The following HAO1 variants were observed in gnomAD, a reference collection of about 807,000 sequenced individuals.
HAO1 encodes 2-Hydroxyacid oxidase 1.
A neutral mutation model predicts 39.7 loss-of-function variants in HAO1; 34 were observed. That is an observed-to-expected ratio of 0.86 (90% CI 0.65 to 1.14). The LOEUF is 1.14. Among genes scored for constraint, HAO1 ranks in the 50% most tolerant of loss-of-function variants. The pLI is 0.00. For synonymous variants in HAO1, 172 were observed against 173.2 expected (o/e 0.99, Z 0.05); for missense variants, 479 against 464.5 (o/e 1.03, Z -0.29).
In HAO1 at chr20:7,936,545, TGTTCG is replaced by T. The variant is rs1568522184; in HGVS notation, c.138-1915_138-1911del. On this transcript the variant is annotated intron_variant, in intron 1 of 7. Coordinates refer to ENST00000378789, the MANE Select transcript of HAO1 (RefSeq NM_017545.3). ...GTGTGTGTGTGTGTGTGTGTGTGTGTGTTCGCGCGCGCGCGCGCGCGTGCGTGCCA... is the reference window on the plus strand; with the variant it reads ...GTGTGTGTGTGTGTGTGTGTGTGTGTCGCGCGCGCGCGCGCGTGCGTGCCA... Among the ~76,000 whole-genome samples, 246 of 144,880 alleles carry T rather than the reference TGTTCG, an allele frequency of 1.7e-3. 1 individual carries two copies. The highest frequency in any genetic ancestry group is 5.5e-3 in the African/African-American group (210 of 38,130).
intron 2 of HAO1, among the ~76,000 whole-genome samples, chr20:7,926,818 G>A (rs1283911035): frequency 6.6e-6 from 1 of 151,654 alleles, no homozygotes; most frequent in African/African-American, 2.4e-5. Flanking sequence ...CAAATCCAGT[G>A]TGGTAGCCTC....
chr20:7,918,758 T>C (rs929100971), intron 2 of HAO1, among the ~76,000 whole-genome samples: 1 of 152,210 alleles, frequency 6.6e-6, no homozygotes, highest in Non-Finnish European at 1.5e-5. Flanking sequence ...CACTGCTCAT[T>C]TTGGGGTAAT....
At chr20:7,893,388 C>G (rs915168695) in intron 5 of HAO1, among the ~76,000 whole-genome samples, 6 of 152,170 alleles carry the variant, frequency 3.9e-5, no homozygotes, top group African/African-American at 1.4e-4. Context: ...AAACCCCATT[C>G]CTGCCTGGGG....
In HAO1 at chr20:7,909,383, A is replaced by ATATATATATATATATATATATATATG. The variant is rs1568514558; in HGVS notation, c.546-3055_546-3054insCATATATATATATATATATATATATA. On this transcript the variant is annotated intron_variant, in intron 3 of 7. Transcript: ENST00000378789. ...GACATATATATATATATATATGTAT[A>ATATATATATATATATATATATATATG]TATATATATATATATATATATGCTT... 1.9e-3 allele frequency among the ~76,000 whole-genome samples: 235 copies of ATATATATATATATATATATATATATG among 124,730 alleles called. 7 individuals are homozygous for ATATATATATATATATATATATATATG. Among genetic ancestry groups the ATATATATATATATATATATATATATG allele is most frequent in the African/African-American group, 6.0e-3 (174 of 29,092 alleles). 81.8% of individuals were successfully genotyped at this position (124,730 alleles called of 152,430 possible). A position where few individuals can be genotyped will look rare whatever the true frequency, so the allele number is the denominator to read the frequency against.
At position 7,883,318 on chromosome 20, in the gene HAO1, G is replaced by A; in HGVS notation, c.*275C>T. The A allele has an allele frequency of 2.2e-6, 1 of 447,352 alleles. No individual in the cohort carries two copies. The highest frequency in any genetic ancestry group is 4.1e-6 in the Non-Finnish European group (1 of 245,888). The allele number at this position is 447,352 out of a possible 1,614,324, so 27.7% of individuals were successfully genotyped here. A position where few individuals can be genotyped will look rare whatever the true frequency, so the allele number is the denominator to read the frequency against. ...GGATACAGCACTTTAGCCTGCCAGG[G>A]GATGACGTTGTCTAAACACATTTTC... On this transcript the variant is annotated 3_prime_UTR_variant, in exon 8 of 8. Coordinates refer to ENST00000378789, the MANE Select transcript of HAO1 (RefSeq NM_017545.3).
chr20:7,933,111 C>T (rs1390830651), intron 2 of HAO1, among the ~76,000 whole-genome samples: 1 of 152,106 alleles, frequency 6.6e-6, no homozygotes, highest in Non-Finnish European at 1.5e-5. Context: ...TTATTGGTCA[C>T]TTTTATGTCT....
intron 4 of HAO1, among the ~76,000 whole-genome samples, chr20:7,900,244 A>G (rs1205106349): frequency 6.6e-6 from 1 of 152,154 alleles, no homozygotes; most frequent in African/African-American, 2.4e-5. Context: ...TAGAAATTGG[A>G]AATCACCACC....
At chr20:7,884,542 A>T (rs564725039) in intron 7 of HAO1, among the ~76,000 whole-genome samples, 1 of 152,226 alleles carries the variant, frequency 6.6e-6, no homozygotes, top group South Asian at 2.1e-4. Flanking sequence ...CACATGAAAG[A>T]TGAGAAGTTT....
chr20:7,911,877 T>C (rs1434735110), intron 3 of HAO1, among the ~76,000 whole-genome samples: 1 of 152,254 alleles, frequency 6.6e-6, no homozygotes, highest in Non-Finnish European at 1.5e-5. Context: ...CTATAACAGA[T>C]GAGCTTTTGG....
In HAO1 at chr20:7,906,311, G is replaced by A. The variant is rs747917035; in HGVS notation, c.564C>T (p.Thr188=). 6.9e-6 allele frequency: 11 copies of A among 1,602,974 alleles called. No homozygotes were observed. Among genetic ancestry groups the A allele is most frequent in the Non-Finnish European group, 9.4e-6 (11 of 1,172,858 alleles). ...PPQLRMKNFE[T]STLSFSPEEN... ...CCTCAGGAGAAAATGATAAAGTACT[G>A]GTTTCAAAATTTTTCATCCTAAAAT... Residue 188 remains threonine (T), a synonymous_variant, in exon 4 of 8, where the codon ACC becomes ACT. Transcript: ENST00000378789.
chr20:7,933,639 C>A (rs146788505), intron 2 of HAO1, among the ~76,000 whole-genome samples: 1 of 152,266 alleles, frequency 6.6e-6, no homozygotes, highest in East Asian at 1.9e-4. Context: ...TTCACAAGAT[C>A]CTTAATTCTT....
intron 7 of HAO1, 95 bp from the exon 8 acceptor site, chr20:7,883,758 A>C (rs1225855579): frequency 9.4e-7 from 1 of 1,059,986 alleles, no homozygotes; most frequent in Non-Finnish European, 1.5e-6. Context: ...TGACAAATGT[A>C]AGGTTTATGA....
intron 3 of HAO1, among the ~76,000 whole-genome samples, chr20:7,911,762 C>G (rs2050280852): frequency 6.6e-6 from 1 of 152,234 alleles, no homozygotes. Context: ...TCATTCTCCT[C>G]TGGATTTCCT....
At chr20:7,896,499 A>G (rs558720931) in intron 4 of HAO1, among the ~76,000 whole-genome samples, 54 of 152,336 alleles carry the variant, frequency 3.5e-4, no homozygotes, top group Non-Finnish European at 6.0e-4. Context: ...TTTGTTTTAT[A>G]CAAGGCTATT....
intron 1 of HAO1, among the ~76,000 whole-genome samples, chr20:7,937,095 G>A (rs1235642247): frequency 6.6e-6 from 1 of 152,020 alleles, no homozygotes; most frequent in Non-Finnish European, 1.5e-5. Context: ...AAGGAAGCGG[G>A]GTAACGGGGA....
rs2050248003 is a variant in HAO1, at chr20:7,906,319, A to C, written c.556T>G (p.Phe186Val). ...KLPPQLRMKN[F>V]ETSTLSFSPE... Reference sequence around the variant, plus strand: ...GAAAATGATAAAGTACTGGTTTCAAAATTTTTCATCCTAAAATAAGAAATG... The same window carrying C: ...GAAAATGATAAAGTACTGGTTTCAACATTTTTCATCCTAAAATAAGAAATG... Residue 186 changes from phenylalanine (F) to valine (V), a missense_variant, in exon 4 of 8, where the codon TTT becomes GTT. Physicochemically the swap from Phe to Val is conservative, Grantham distance 50. Transcript: ENST00000378789. 1 of 1,594,154 alleles carries C rather than the reference A, an allele frequency of 6.3e-7. No homozygotes were observed. Among genetic ancestry groups the C allele is most frequent in the Non-Finnish European group, 8.6e-7 (1 of 1,165,442 alleles).
chr20:7,930,564 T>C (rs374436926), intron 2 of HAO1, among the ~76,000 whole-genome samples: 2 of 152,058 alleles, frequency 1.3e-5, no homozygotes, highest in African/African-American at 4.8e-5. Context: ...TCTCAATGAA[T>C]TGAAGGAATG....
intron 2 of HAO1, among the ~76,000 whole-genome samples, chr20:7,917,554 G>T (rs79821043): frequency 0.025 from 3,769 of 152,170 alleles, 65 homozygotes; most frequent in Middle Eastern, 0.041. Flanking sequence ...GAGTAGGTTT[G>T]CCATGTGCAT....
intron 3 of HAO1, among the ~76,000 whole-genome samples, chr20:7,912,469 A>C (rs551683726): frequency 6.6e-6 from 1 of 152,270 alleles, no homozygotes; most frequent in Non-Finnish European, 1.5e-5. Context: ...TAGTAGTGTT[A>C]AGAGATGGAG....
Sources: gnomAD v4.1 joint callset for allele counts (sites outside exome capture counted in the v4.1 genomes callset) on GRCh38, gnomAD v4.1.1 for gene constraint, MANE v1.5 for transcripts, NCBI Gene and HGNC (gene_info 2026-07-23, HGNC 2026-07-21) for gene names.